MCTP1: variants seen among roughly 807,000 people sequenced by gnomAD.
The protein encoded by MCTP1 is multiple C2 and transmembrane domain containing 1, also known as multiple C2 and transmembrane domain-containing protein 1.
In MCTP1, 69 loss-of-function variants were observed where a neutral mutation model predicts 120.6. The ratio of observed to expected loss-of-function variants is 0.57; its 90% CI spans 0.47 to 0.70. The LOEUF (loss-of-function observed/expected upper bound fraction) is 0.70, where lower values mean the gene tolerates loss of function less well. Ranked by LOEUF, MCTP1 falls within the 30% of genes least tolerant of loss-of-function variation. MCTP1 has a pLI of 0.00. For synonymous variants in MCTP1, 529 were observed against 493.1 expected (o/e 1.07, Z -0.96); for missense variants, 1,203 against 1,248.8 (o/e 0.96, Z 0.55).
intron 18 of MCTP1, among the ~76,000 whole-genome samples, chr5:94,786,427 T>C (rs966890651): frequency 1.2e-4 from 18 of 152,172 alleles, no homozygotes; most frequent in Non-Finnish European, 2.2e-4. Context: ...ATCTTTTTTA[T>C]ATAAAGAATA....
At chr5:94,739,419 TTTG>T (rs1765001311) in intron 19 of MCTP1, 1 of 152,208 alleles carries the variant, frequency 6.6e-6, no homozygotes, top group Non-Finnish European at 1.5e-5. Context: ...ATCTAAGGAC[TTTG>T]TTCTTAAATT....
chr5:94,926,482 TAAC>T (rs1813158149), intron 6 of MCTP1, among the ~76,000 whole-genome samples: 1 of 152,240 alleles, frequency 6.6e-6, no homozygotes, highest in African/African-American at 2.4e-5. Flanking sequence ...GCTTCCATCC[TAAC>T]AATAAAGATG....
At chr5:94,795,706 A>G (rs576395840) in intron 18 of MCTP1, among the ~76,000 whole-genome samples, 2 of 152,354 alleles carry the variant, frequency 1.3e-5, no homozygotes, top group Admixed American at 6.5e-5. Flanking sequence ...CAGTCTAGGT[A>G]TATTCAGACC....
chr5:95,102,536 G>A (rs188593172), intron 1 of MCTP1, among the ~76,000 whole-genome samples: 1 of 152,308 alleles, frequency 6.6e-6, no homozygotes, highest in Non-Finnish European at 1.5e-5. Flanking sequence ...GTTGCACGTC[G>A]GAAGTTGGAA....
chr5:95,107,889 T>C (rs1279972744), intron 1 of MCTP1, among the ~76,000 whole-genome samples: 17 of 152,208 alleles, frequency 1.1e-4, no homozygotes, highest in Admixed American at 1.1e-3. Flanking sequence ...ATGTCCAGGA[T>C]GTGCAGGTTT....
At chr5:95,129,521 A>G (rs188555051) in intron 1 of MCTP1, among the ~76,000 whole-genome samples, 84 of 152,350 alleles carry the variant, frequency 5.5e-4, no homozygotes, top group Admixed American at 9.8e-4. Context: ...ATGGTAAAAC[A>G]TTACTTCTGA....
chr5:94,954,225 C>T (rs1821988291), intron 2 of MCTP1, among the ~76,000 whole-genome samples: 1 of 131,112 alleles, frequency 7.6e-6, no homozygotes, highest in South Asian at 2.4e-4. Context: ...TACTACTCAG[C>T]CATAAGAAAC....
At chr5:94,955,062 C>T (rs1822203189) in intron 2 of MCTP1, among the ~76,000 whole-genome samples, 1 of 152,174 alleles carries the variant, frequency 6.6e-6, no homozygotes, top group Non-Finnish European at 1.5e-5. Context: ...AACTGAGGTA[C>T]CTGGTACATC....
chr5:94,915,783 G>A (rs1476261797), intron 8 of MCTP1, among the ~76,000 whole-genome samples: 1 of 151,994 alleles, frequency 6.6e-6, no homozygotes, highest in East Asian at 1.9e-4. Context: ...GCTCACAGGA[G>A]GAGAAAAGAT....
At chr5:94,870,608 A>G (rs997142674) in intron 15 of MCTP1, 117 bp from the exon 16 acceptor site, 10 of 791,406 alleles carry the variant, frequency 1.3e-5, no homozygotes, top group Non-Finnish European at 1.9e-5. Context: ...TGCTGTGCTC[A>G]TAAAATATAA....
intron 17 of MCTP1, among the ~76,000 whole-genome samples, chr5:94,865,179 C>T (rs1465305111): frequency 1.3e-5 from 2 of 151,830 alleles, no homozygotes; most frequent in African/African-American, 4.8e-5. Flanking sequence ...TGACTCTTCC[C>T]TGTGGCACAG....
At chr5:95,079,141 G>A (rs747080204) in intron 1 of MCTP1, among the ~76,000 whole-genome samples, 11 of 152,128 alleles carry the variant, frequency 7.2e-5, no homozygotes, top group Non-Finnish European at 1.5e-4. Context: ...CATCTCCATA[G>A]CTTTCCTACT....
chr5:94,963,253 C>T (rs576083324), intron 2 of MCTP1, among the ~76,000 whole-genome samples: 9 of 152,006 alleles, frequency 5.9e-5, no homozygotes, highest in African/African-American at 1.7e-4. Context: ...GTGAATAATG[C>T]TGCAATGAAC....
At chr5:94,861,089 G>A (rs1422900524) in intron 17 of MCTP1, among the ~76,000 whole-genome samples, 2 of 151,718 alleles carry the variant, frequency 1.3e-5, no homozygotes, top group African/African-American at 2.4e-5. Flanking sequence ...GCCAATAGCT[G>A]ATGACTACTC....
At chr5:94,895,389 T>C (rs977331051) in intron 10 of MCTP1, among the ~76,000 whole-genome samples, 1 of 152,176 alleles carries the variant, frequency 6.6e-6, no homozygotes, top group Non-Finnish European at 1.5e-5. Context: ...GAAAACATAA[T>C]AGCTCAAGTG....
In MCTP1 at chr5:94,960,729, G is replaced by C. The variant is rs144007593; in HGVS notation, c.839-7368C>G. 6.6e-5 allele frequency among the ~76,000 whole-genome samples: 10 copies of C among 152,268 alleles called. No individual in the cohort carries two copies. The East Asian group carries it at 1.9e-3, about 29-fold the overall frequency. ...AATTAAAACCCCAATGACACACCAT[G>C]TCACGACCGTTAGAATGGCAATCAT... On this transcript the variant is annotated intron_variant, in intron 2 of 22. Transcript: ENST00000515393.
At chr5:95,265,339 GC>G (rs985623143) in intron 1 of MCTP1, among the ~76,000 whole-genome samples, 5 of 152,160 alleles carry the variant, frequency 3.3e-5, no homozygotes, top group Admixed American at 2.6e-4. Flanking sequence ...CAGGCAAGGA[GC>G]TATAAGTTAG....
intron 1 of MCTP1, among the ~76,000 whole-genome samples, chr5:95,037,450 G>A (rs542708667): frequency 2.0e-5 from 3 of 152,274 alleles, no homozygotes; most frequent in South Asian, 4.1e-4. Context: ...ACATGTTAAC[G>A]TGAGCTATTA....
chr5:95,166,272 T>C (rs984760772), intron 1 of MCTP1: 2 of 152,196 alleles, frequency 1.3e-5, no homozygotes, highest in Non-Finnish European at 2.9e-5. Context: ...TTCTCATTTT[T>C]CTTCTATCCT....
Sources: allele counts gnomAD v4.1 joint callset (sites outside exome capture counted in the v4.1 genomes callset), GRCh38; gene constraint gnomAD v4.1.1; transcripts MANE v1.5; gene names NCBI Gene and HGNC (gene_info 2026-07-23, HGNC 2026-07-21).